The following SPPL2C variants were observed in gnomAD, a reference collection of about 807,000 sequenced individuals.
SPPL2C encodes the protein signal peptide peptidase-like 2C.
A neutral mutation model predicts 38.8 loss-of-function variants in SPPL2C; 33 were observed. The observed-to-expected ratio is 0.85, with a 90% CI of 0.64 to 1.14. SPPL2C has a LOEUF of 1.14. Ranked by LOEUF, SPPL2C falls within the 50% of genes most tolerant of loss-of-function variation. SPPL2C has a pLI of 0.00. For synonymous variants in SPPL2C, 384 were observed against 390.7 expected (o/e 0.98, Z 0.20); for missense variants, 899 against 904.4 (o/e 0.99, Z 0.08).
rs1673838394 is a variant in SPPL2C, at chr17:45,847,060, C to A, written c.*99C>A. ...AGAAATCAGGGTATCAAAGAGATTTCATATCTACCCAAGGAGTCTCTCTGT... is the reference window on the plus strand; with the variant it reads ...AGAAATCAGGGTATCAAAGAGATTTAATATCTACCCAAGGAGTCTCTCTGT... On this transcript the variant is annotated 3_prime_UTR_variant, in exon 1 of 1. Transcript: ENST00000329196. 8.2e-7 allele frequency: 1 copy of A among 1,225,634 alleles called. No homozygotes were observed. Among genetic ancestry groups the A allele is most frequent in the African/African-American group, 1.5e-5 (1 of 66,250 alleles). The allele number at this position is 1,225,634 out of a possible 1,614,324, so 75.9% of individuals were successfully genotyped here.
rs150961436 is a variant in SPPL2C, at chr17:45,845,845, G to A, written c.939G>A (p.Pro313=). The change falls in exon 1 of 1, where the codon CCG becomes CCA. Residue 313 remains proline (P), a synonymous_variant. Transcript: ENST00000329196. Reference sequence around the variant, plus strand: ...CCCTGCGGCAATACCAGAGGCCTCCGCACAGCCTCTGGGCCTCTCTGCCGC... The same window carrying A: ...CCCTGCGGCAATACCAGAGGCCTCCACACAGCCTCTGGGCCTCTCTGCCGC... ...RLSLRQYQRP[P]HSLWASLPLP... 1.4e-5 allele frequency: 22 copies of A among 1,605,940 alleles called. No homozygotes were observed. The highest frequency in any genetic ancestry group is 1.3e-4 in the African/African-American group (10 of 75,038).
rs562603926 is a variant in SPPL2C at position 45,846,849 on chromosome 17, G to C, written c.1943G>C (p.Gly648Ala). 110 of 1,613,684 alleles carry C rather than the reference G, an allele frequency of 6.8e-5. No individual in the cohort carries two copies. In the South Asian group the frequency reaches 1.2e-3, roughly 18 times the overall value. Reference protein sequence around the residue: ...MPLMPPPSELGHVHAQAQAHE... With the variant: ...MPLMPPPSELAHVHAQAQAHE... ...CTGATGCCCCCGCCCTCAGAGCTGG[G>C]CCATGTCCATGCCCAGGCCCAGGCC... is the stretch of plus-strand genomic sequence containing the variant. The change falls in exon 1 of 1, where the codon GGC becomes GCC. Residue 648 changes from glycine (G) to alanine (A), a missense_variant. Physicochemically the swap from Gly to Ala is moderately conservative, Grantham distance 60 (BLOSUM62 0). Coordinates refer to ENST00000329196, the MANE Select transcript of SPPL2C (RefSeq NM_175882.3).
rs764942087 is a variant in SPPL2C at position 45,845,289 on chromosome 17, A to G, written c.383A>G (p.Gln128Arg). 6.2e-7 allele frequency: 1 copy of G among 1,614,004 alleles called. No homozygotes were observed. The highest frequency in any genetic ancestry group is 1.1e-5 in the South Asian group (1 of 91,086). ...LLIVSRVSDQ[Q>R]CSDTTLAPQD... ...ATCGTGAGCCGGGTCAGTGACCAAC[A>G]GTGCTCAGACACCACCCTGGCACCC... Residue 128 changes from glutamine to arginine, a missense_variant, in exon 1 of 1, where the codon CAG (glutamine) becomes CGG (arginine). Gln to Arg is a conservative substitution (Grantham distance 43). Transcript: ENST00000329196.
Position 45,845,421 on chromosome 17 carries a change from G to A in SPPL2C, c.515G>A (p.Arg172His), listed in dbSNP as rs200835702. 1.9e-5 allele frequency: 31 copies of A among 1,612,686 alleles called. No individual in the cohort carries two copies. The highest frequency in any genetic ancestry group is 6.7e-5 in the East Asian group (3 of 44,886). The change falls in exon 1 of 1, where the codon CGC (arginine) becomes CAC (histidine). Residue 172 changes from arginine (R) to histidine (H), a missense_variant. Coordinates refer to ENST00000329196, the MANE Select transcript of SPPL2C (RefSeq NM_175882.3). ...CACACTCGTGGGGAGGCCGTCGTCC[G>A]CGTGGCCATGTACGCACCCCCAGAG... The part of the protein sequence containing the change: ...LSHTRGEAVV[R>H]VAMYAPPEPI...
In SPPL2C at chr17:45,845,855, T is replaced by A; in HGVS notation, c.949T>A (p.Trp317Arg). Reference protein sequence around the residue: ...RQYQRPPHSLWASLPLPLLLL... With the variant: ...RQYQRPPHSLRASLPLPLLLL... ...ATACCAGAGGCCTCCGCACAGCCTC[T>A]GGGCCTCTCTGCCGCTGCCTCTGCT... Residue 317 changes from tryptophan to arginine, a missense_variant, in exon 1 of 1, where the codon TGG becomes AGG. Trp to Arg is a moderately radical substitution (Grantham distance 101). Coordinates refer to ENST00000329196, the MANE Select transcript of SPPL2C (RefSeq NM_175882.3). 1 of 1,605,832 alleles carries A rather than the reference T, an allele frequency of 6.2e-7. No individual in the cohort carries two copies.
Position 45,845,097 on chromosome 17 carries a change from G to T in SPPL2C, c.191G>T (p.Gly64Val). 6.2e-7 allele frequency: 1 copy of T among 1,613,204 alleles called. No homozygotes were observed. Among genetic ancestry groups the T allele is most frequent in the Non-Finnish European group, 8.5e-7 (1 of 1,179,298 alleles). The stretch of plus-strand genomic sequence containing the variant: ...GCCCCACTCCTGCCCCTGTATGATG[G>T]CACCAAGGCACCCTGGTGCCCGGGT... ...HHAPLLPLYD[G>V]TKAPWCPGED... The change falls in exon 1 of 1, where the codon GGC becomes GTC. Residue 64 changes from glycine to valine, a missense_variant. By Grantham distance (109) the Gly-to-Val change is moderately radical. Coordinates refer to ENST00000329196, the MANE Select transcript of SPPL2C (RefSeq NM_175882.3).
chr17:45,845,337 C>A lies in SPPL2C; in HGVS notation c.431C>A (p.Ala144Glu), dbSNP rs772105441. Residue 144 changes from alanine to glutamate, a missense_variant, in exon 1 of 1, where the codon GCA becomes GAA. Ala to Glu is a moderately radical substitution (Grantham distance 107). Transcript: ENST00000329196. ...LAPQDPRQPLADLTIPVAMLH... is the reference protein window; with the variant it reads ...LAPQDPRQPLEDLTIPVAMLH... ...CCCCAGGATCCCCGCCAGCCCCTGGCAGACCTCACCATCCCTGTGGCTATG... is the reference window on the plus strand; with the variant it reads ...CCCCAGGATCCCCGCCAGCCCCTGGAAGACCTCACCATCCCTGTGGCTATG... The A allele has an allele frequency of 1.2e-6, 2 of 1,614,042 alleles. No homozygotes were observed. The highest frequency in any genetic ancestry group is 1.7e-5 in the Admixed American group (1 of 60,034).
In SPPL2C at chr17:45,846,009, G is replaced by A. The variant is rs1273801590; in HGVS notation, c.1103G>A (p.Arg368Gln). The A allele has an allele frequency of 5.0e-6, 8 of 1,613,562 alleles. No homozygotes were observed. Among genetic ancestry groups the A allele is most frequent in the South Asian group, 2.2e-5 (2 of 91,074 alleles). The part of the protein sequence containing the change: ...SYCLFVLHRV[R>Q]LPTLKNCSSF... ...TGCCTGTTCGTCCTGCACCGTGTGC[G>A]GCTGCCCACTCTCAAGAACTGCTCC... The change falls in exon 1 of 1, where the codon CGG (arginine) becomes CAG (glutamine). Residue 368 changes from arginine to glutamine, a missense_variant. Coordinates refer to ENST00000329196, the MANE Select transcript of SPPL2C (RefSeq NM_175882.3).
rs1202465279 is a variant in SPPL2C at position 45,845,753 on chromosome 17, G to T, written c.847G>T (p.Gly283Trp). 8 of 1,612,760 alleles carry T rather than the reference G, an allele frequency of 5.0e-6. No homozygotes were observed. The highest frequency in any genetic ancestry group is 5.9e-6 in the Non-Finnish European group (7 of 1,180,014). ...TGACCACTTTGTCTATGTCACCATT[G>T]GGATCTTTGGCCTGGGTGCTGGCAT... ...FYDHFVYVTI[G>W]IFGLGAGIGL... The change falls in exon 1 of 1, where the codon GGG becomes TGG. Residue 283 changes from glycine (G) to tryptophan (W), a missense_variant. Coordinates refer to ENST00000329196, the MANE Select transcript of SPPL2C (RefSeq NM_175882.3).
In SPPL2C at chr17:45,845,526, T is replaced by C; in HGVS notation, c.620T>C (p.Leu207Pro). The C allele has an allele frequency of 1.2e-6, 2 of 1,601,064 alleles. No homozygotes were observed. Among genetic ancestry groups the C allele is most frequent in the Non-Finnish European group, 1.7e-6 (2 of 1,175,206 alleles). The change falls in exon 1 of 1, where the codon CTG (leucine) becomes CCG (proline). Residue 207 changes from leucine (L) to proline (P), a missense_variant. Physicochemically the swap from Leu to Pro is moderately conservative, Grantham distance 98 (BLOSUM62 -3). Transcript: ENST00000329196. ...TVAAGGYWAG[L>P]TEANRLQRRR... The stretch of plus-strand genomic sequence containing the variant: ...GCTGCAGGCGGCTACTGGGCCGGCC[T>C]GACCGAAGCCAACCGGCTACAGCGG...
Position 45,845,226 on chromosome 17 carries a change from GCT to G in SPPL2C, c.321_322del (p.Trp108AlafsTer18). The G allele has an allele frequency of 6.2e-7, 1 of 1,613,828 alleles. No homozygotes were observed. The highest frequency in any genetic ancestry group is 8.5e-7 in the Non-Finnish European group (1 of 1,179,868). Reference sequence around the variant, plus strand: ...GGTAACTGCAGCTTCCACACGAAAGGCTGGCTGGCTCAGGGCCAAGGTGCCCA... The same window carrying G: ...GGTAACTGCAGCTTCCACACGAAAGGGGCTGGCTCAGGGCCAAGGTGCCCA... On this transcript the variant is annotated frameshift_variant, in exon 1 of 1. Transcript: ENST00000329196. LOFTEE classifies it high-confidence loss of function.
rs762359651 is a variant in SPPL2C at position 45,845,530 on chromosome 17, C to T, written c.624C>T (p.Thr208=). Residue 208 remains threonine, a synonymous_variant, in exon 1 of 1, where the codon ACC becomes ACT. Coordinates refer to ENST00000329196, the MANE Select transcript of SPPL2C (RefSeq NM_175882.3). ...CAGGCGGCTACTGGGCCGGCCTGAC[C>T]GAAGCCAACCGGCTACAGCGGCGCC... ...VAAGGYWAGL[T]EANRLQRRRA... The T allele has an allele frequency of 1.6e-5, 25 of 1,599,948 alleles. No individual in the cohort carries two copies. Among genetic ancestry groups the T allele is most frequent in the South Asian group, 4.4e-5 (4 of 90,452 alleles).
Position 45,845,414 on chromosome 17 carries a change from G to A in SPPL2C, c.508G>A (p.Val170Ile), listed in dbSNP as rs114700564. The change falls in exon 1 of 1, where the codon GTC (valine) becomes ATC (isoleucine). Residue 170 changes from valine to isoleucine, a missense_variant. By Grantham distance (29) the Val-to-Ile change is conservative (BLOSUM62 3). Coordinates refer to ENST00000329196, the MANE Select transcript of SPPL2C (RefSeq NM_175882.3). ...CCTCAGCCACACTCGTGGGGAGGCCGTCGTCCGCGTGGCCATGTACGCACC... is the reference window on the plus strand; with the variant it reads ...CCTCAGCCACACTCGTGGGGAGGCCATCGTCCGCGTGGCCATGTACGCACC... The part of the protein sequence containing the change: ...DILSHTRGEA[V>I]VRVAMYAPPE... The A allele has an allele frequency of 4.0e-4, 646 of 1,612,950 alleles. 3 individuals carry two copies. The African/African-American group carries it at 7.9e-3, about 20-fold the overall frequency.
rs1213094689 is a variant in SPPL2C, at chr17:45,844,933, C to T, written c.27C>T (p.Pro9=). The T allele has an allele frequency of 6.2e-6, 10 of 1,609,832 alleles. No homozygotes were observed. Among genetic ancestry groups the T allele is most frequent in the Non-Finnish European group, 8.5e-6 (10 of 1,176,828 alleles). Residue 9 remains proline (P), a synonymous_variant, in exon 1 of 1, where the codon CCC becomes CCT. Coordinates refer to ENST00000329196, the MANE Select transcript of SPPL2C (RefSeq NM_175882.3). ...TGGCGTGCCTGGGCTTCCTCCTCCC[C>T]GTGGGCTTCCTCCTCCTCATCAGCA... MACLGFLL[P]VGFLLLISTV... is the part of the protein sequence containing the mutation.
At position 45,846,784 on chromosome 17, in the gene SPPL2C, G is replaced by A. The variant is rs1220251526; in HGVS notation, c.1878G>A (p.Met626Ile). Residue 626 changes from methionine to isoleucine, a missense_variant, in exon 1 of 1, where the codon ATG becomes ATA. Coordinates refer to ENST00000329196, the MANE Select transcript of SPPL2C (RefSeq NM_175882.3). ...CCCCTGGGGCCTCGGAGGAGCTGAT[G>A]CCACTGATGCCAATGGCCATGCTGA... ...FIPPGASEEL[M>I]PLMPMAMLIP... 5 of 1,614,000 alleles carry A rather than the reference G, an allele frequency of 3.1e-6. No individual in the cohort carries two copies. The highest frequency in any genetic ancestry group is 4.2e-6 in the Non-Finnish European group (5 of 1,180,028).
chr17:45,845,569 AG>A lies in SPPL2C; in HGVS notation c.669del (p.Ser224LeufsTer32). On this transcript the variant is annotated frameshift_variant, in exon 1 of 1. Transcript: ENST00000329196. LOFTEE classifies it high-confidence loss of function. ...RLQRRRARRGGGSGGHHQLQE... is the reference protein window; with the variant it reads ...RLQRRRARRGXGSGGHHQLQE... ...TACAGCGGCGCCGTGCCCGAAGAGG[AG>A]GGGGGTCTGGTGGTCACCATCAGCT... 3 of 1,604,312 alleles carry A rather than the reference AG, an allele frequency of 1.9e-6. No homozygotes were observed. The highest frequency in any genetic ancestry group is 8.5e-7 in the Non-Finnish European group (1 of 1,175,518).
In SPPL2C at chr17:45,844,987, C is replaced by T. The variant is rs1407489612; in HGVS notation, c.81C>T (p.Ala27=). ...STVAGGKYGV[A]HVVSENWSKD... Reference sequence around the variant, plus strand: ...TGGCCGGGGGAAAGTACGGCGTGGCCCACGTGGTGTCGGAGAATTGGAGCA... The same window carrying T: ...TGGCCGGGGGAAAGTACGGCGTGGCTCACGTGGTGTCGGAGAATTGGAGCA... The change falls in exon 1 of 1, where the codon GCC becomes GCT. Residue 27 remains alanine, a synonymous_variant. Transcript: ENST00000329196. 1.2e-6 allele frequency: 2 copies of T among 1,614,130 alleles called. No homozygotes were observed. The highest frequency in any genetic ancestry group is 2.2e-5 in the East Asian group (1 of 44,878).
At position 45,846,001 on chromosome 17, in the gene SPPL2C, C is replaced by T. The variant is rs376056516; in HGVS notation, c.1095C>T (p.His365=). ...TTTCCTACTGCCTGTTCGTCCTGCA[C>T]CGTGTGCGGCTGCCCACTCTCAAGA... ...LGISYCLFVL[H]RVRLPTLKNC... The change falls in exon 1 of 1, where the codon CAC becomes CAT. Residue 365 remains histidine (H), a synonymous_variant. Transcript: ENST00000329196. 11 of 1,613,564 alleles carry T rather than the reference C, an allele frequency of 6.8e-6. No homozygotes were observed. In the African/African-American group the frequency reaches 1.1e-4, roughly 16 times the overall value.
Position 45,847,038 on chromosome 17 carries a change from A to C in SPPL2C, c.*77A>C. The C allele has an allele frequency of 1.4e-6, 2 of 1,418,752 alleles. No homozygotes were observed. The highest frequency in any genetic ancestry group is 1.9e-6 in the Non-Finnish European group (2 of 1,060,484). The allele number at this position is 1,418,752 out of a possible 1,614,324, so 87.9% of individuals were successfully genotyped here. On this transcript the variant is annotated 3_prime_UTR_variant, in exon 1 of 1. Transcript: ENST00000329196. ...AGCAAAGCCATGCATGGCAACAAGA[A>C]ATCAGGGTATCAAAGAGATTTCATA...
Sources: gnomAD v4.1 joint callset for allele counts on GRCh38, gnomAD v4.1.1 for gene constraint, MANE v1.5 for transcripts, NCBI Gene and HGNC (gene_info 2026-07-23, HGNC 2026-07-21) for gene names.